The following AHNAK2 variants were observed in gnomAD, a reference collection of about 807,000 sequenced individuals.
AHNAK2 encodes protein AHNAK2.
Under a neutral mutation model 30.7 loss-of-function variants are expected in AHNAK2, and 18 were observed. That is an observed-to-expected ratio of 0.59 (90% CI 0.41 to 0.87). AHNAK2 has a LOEUF of 0.87. AHNAK2 is among the 40% of genes least tolerant of loss of function. AHNAK2 has a pLI of 0.00. For synonymous variants in AHNAK2, 3,590 were observed against 3,073.8 expected (o/e 1.17, Z -5.56); for missense variants, 8,604 against 7,373.0 (o/e 1.17, Z -6.11).
In AHNAK2 at chr14:104,946,202, G is replaced by C; in HGVS notation, c.9249C>G (p.Val3083=). Reference sequence around the variant, plus strand: ...CTTTCAGGTCCAGCTTGGGGCCCTTGACATCTATCTGGGGTCCCTTGCGAT... The same window carrying C: ...CTTTCAGGTCCAGCTTGGGGCCCTTCACATCTATCTGGGGTCCCTTGCGAT... ...KVDRKGPQID[V]KGPKLDLKGP... Residue 3083 remains valine, a synonymous_variant, in exon 7 of 7, where the codon GTC becomes GTG. Coordinates refer to ENST00000333244, the MANE Select transcript of AHNAK2 (RefSeq NM_138420.4). The C allele has an allele frequency of 6.3e-7, 1 of 1,596,058 alleles. No homozygotes were observed. Among genetic ancestry groups the C allele is most frequent in the Non-Finnish European group, 8.5e-7 (1 of 1,171,374 alleles).
intron 1 of AHNAK2, among the ~76,000 whole-genome samples, chr14:104,969,895 CG>C (rs1227069502): frequency 6.6e-6 from 1 of 152,166 alleles, no homozygotes; most frequent in Non-Finnish European, 1.5e-5. Flanking sequence ...AGCTACCCAT[CG>C]CCCCAGGCCC....
rs767659927 is a variant in AHNAK2, at chr14:104,949,792, C to G, written c.5659G>C (p.Val1887Leu). 7 of 1,587,270 alleles carry G rather than the reference C, an allele frequency of 4.4e-6. No homozygotes were observed. The highest frequency in any genetic ancestry group is 6.0e-6 in the Non-Finnish European group (7 of 1,163,152). ...SADLVVQAGQ[V>L]DMKLPEGQVP... ...TGGCCCTCCGGGAGCTTCATGTCCA[C>G]TTGGCCAGCCTGGACCACCAGGTCT... is the stretch of plus-strand genomic sequence containing the variant. The change falls in exon 7 of 7, where the codon GTG becomes CTG. Residue 1887 changes from valine (V) to leucine (L), a missense_variant. Val to Leu is a conservative substitution (Grantham distance 32). Transcript: ENST00000333244.
At position 104,948,897 on chromosome 14, in the gene AHNAK2, G is replaced by A; in HGVS notation, c.6554C>T (p.Ala2185Val). 2 of 1,604,204 alleles carry A rather than the reference G, an allele frequency of 1.2e-6. No individual in the cohort carries two copies. Among genetic ancestry groups the A allele is most frequent in the Non-Finnish European group, 1.7e-6 (2 of 1,175,184 alleles). The change falls in exon 7 of 7, where the codon GCC (alanine) becomes GTC (valine). Residue 2185 changes from alanine (A) to valine (V), a missense_variant. By Grantham distance (64) the Ala-to-Val change is moderately conservative. Coordinates refer to ENST00000333244, the MANE Select transcript of AHNAK2 (RefSeq NM_138420.4). ...CTGCATGGAGGGGAGACTCATGTCG[G>A]CCTCCACCTTGGGTGGAGACACATC... ...SVDVSPPKVE[A>V]DMSLPSMQGD...
rs1469246803 is a variant in AHNAK2 at position 104,946,459 on chromosome 14, C to T, written c.8992G>A (p.Glu2998Lys). 6.2e-7 allele frequency: 1 copy of T among 1,612,830 alleles called. No individual in the cohort carries two copies. The highest frequency in any genetic ancestry group is 1.3e-5 in the African/African-American group (1 of 74,646). The change falls in exon 7 of 7, where the codon GAG becomes AAG. Residue 2998 changes from glutamate (E) to lysine (K), a missense_variant. By Grantham distance (56) the Glu-to-Lys change is moderately conservative. Coordinates refer to ENST00000333244, the MANE Select transcript of AHNAK2 (RefSeq NM_138420.4). The stretch of plus-strand genomic sequence containing the variant: ...GGCGCAGACACATCCACCGAGACCT[C>T]AATGGACTTGCCTGGGGCAGACACC... ...FGVSAPGKSIEVSVDVSAPKV... is the reference protein window; with the variant it reads ...FGVSAPGKSIKVSVDVSAPKV...
chr14:104,955,170 C>T (rs763853890), intron 5 of AHNAK2, 29 bp from the exon 6 acceptor site: 97 of 1,582,012 alleles, frequency 6.1e-5, no homozygotes, highest in Non-Finnish European at 7.7e-5. Flanking sequence ...GCCCCAGGGC[C>T]GGGTGTGTGA....
intron 1 of AHNAK2, among the ~76,000 whole-genome samples, chr14:104,970,787 G>C (rs1566926852): frequency 6.6e-6 from 1 of 152,370 alleles, no homozygotes; most frequent in Non-Finnish European, 1.5e-5. Flanking sequence ...GCCCAGTCTG[G>C]TGAGTGCCTT....
rs367824163 is a variant in AHNAK2 at position 104,953,706 on chromosome 14, A to G, written c.1745T>C (p.Met582Thr). The G allele has an allele frequency of 6.2e-7, 1 of 1,613,758 alleles. No individual in the cohort carries two copies. Among genetic ancestry groups the G allele is most frequent in the Non-Finnish European group, 8.5e-7 (1 of 1,179,874 alleles). ...GREDTEGQIRMPKFKIPSLGW... is the reference protein window; with the variant it reads ...GREDTEGQIRTPKFKIPSLGW... ...TAAGGAGGGTATCTTGAACTTGGGC[A>G]TTCTTATCTGTCCTTCTGTGTCTTC... is the stretch of plus-strand genomic sequence containing the variant. The change falls in exon 7 of 7, where the codon ATG (methionine) becomes ACG (threonine). Residue 582 changes from methionine (M) to threonine (T), a missense_variant. Met to Thr is a moderately conservative substitution (Grantham distance 81). Coordinates refer to ENST00000333244, the MANE Select transcript of AHNAK2 (RefSeq NM_138420.4).
Position 104,940,218 on chromosome 14 carries a change from C to T in AHNAK2, c.15233G>A (p.Ser5078Asn). The change falls in exon 7 of 7, where the codon AGT (serine) becomes AAT (asparagine). Residue 5078 changes from serine to asparagine, a missense_variant. Physicochemically the swap from Ser to Asn is conservative, Grantham distance 46. Transcript: ENST00000333244. The surrounding 1 kb of genome is among the most constrained non-coding windows in gnomAD (Gnocchi z 4.4). Reference sequence around the variant, plus strand: ...GTTCACACCCTCACTTCCTGTGGCACTTGCTGTTGCACCAAGTCCTCCCCT... The same window carrying T: ...GTTCACACCCTCACTTCCTGTGGCATTTGCTGTTGCACCAAGTCCTCCCCT... ...GGRGGLGATA[S>N]ATGSEGVNLH... 1 of 1,613,634 alleles carries T rather than the reference C, an allele frequency of 6.2e-7. No individual in the cohort carries two copies. The highest frequency in any genetic ancestry group is 8.5e-7 in the Non-Finnish European group (1 of 1,179,904).
At chr14:104,958,974 T>C (rs1899057033) in intron 1 of AHNAK2, among the ~76,000 whole-genome samples, 1 of 152,118 alleles carries the variant, frequency 6.6e-6, no homozygotes, top group Non-Finnish European at 1.5e-5. Flanking sequence ...AACAATATAT[T>C]CAAAGGGCTG....
rs1898132060 is a variant in AHNAK2 at position 104,944,125 on chromosome 14, G to C, written c.11326C>G (p.Pro3776Ala). 5 of 1,613,142 alleles carry C rather than the reference G, an allele frequency of 3.1e-6. No individual in the cohort carries two copies. The East Asian group carries it at 1.1e-4, about 36-fold the overall frequency. ...LPSVEVDVQA[P>A]RAKLDSAQLE... ...TGTGCACTATCCAGTTTGGCTCTTG[G>C]GGCCTGGACGTCCACCTCCACGCTG... The change falls in exon 7 of 7, where the codon CCA becomes GCA. Residue 3776 changes from proline (P) to alanine (A), a missense_variant. Physicochemically the swap from Pro to Ala is conservative, Grantham distance 27 (BLOSUM62 -1). Transcript: ENST00000333244.
chr14:104,943,585 G>C lies in AHNAK2; in HGVS notation c.11866C>G (p.Leu3956Val), dbSNP rs745729779. Residue 3956 changes from leucine to valine, a missense_variant, in exon 7 of 7, where the codon CTG (leucine) becomes GTG (valine). Leu to Val is a conservative substitution (Grantham distance 32). Coordinates refer to ENST00000333244, the MANE Select transcript of AHNAK2 (RefSeq NM_138420.4). ...DGARLEGDLS[L>V]ADKDMTAKDS... ...TTGGCCGTCATGTCCTTGTCGGCCAGGGACAGGTCCCCCTCCAGCCGCGCA... is the reference window on the plus strand; with the variant it reads ...TTGGCCGTCATGTCCTTGTCGGCCACGGACAGGTCCCCCTCCAGCCGCGCA... 1.2e-6 allele frequency: 2 copies of C among 1,613,154 alleles called. No homozygotes were observed. The highest frequency in any genetic ancestry group is 2.7e-5 in the African/African-American group (2 of 74,800).
In AHNAK2 at chr14:104,941,055, A is replaced by G. The variant is rs781171190; in HGVS notation, c.14396T>C (p.Val4799Ala). 1 of 1,613,658 alleles carries G rather than the reference A, an allele frequency of 6.2e-7. No homozygotes were observed. The highest frequency in any genetic ancestry group is 8.5e-7 in the Non-Finnish European group (1 of 1,179,892). ...DVTLTKYQVT[V>A]PRAALAPELA... is the part of the protein sequence containing the mutation. ...CTCAGGGGCCAAGGCAGCTCTGGGA[A>G]CAGTCACCTGGTATTTTGTAAGTGT... The change falls in exon 7 of 7, where the codon GTT (valine) becomes GCT (alanine). Residue 4799 changes from valine (V) to alanine (A), a missense_variant. By Grantham distance (64) the Val-to-Ala change is moderately conservative. Transcript: ENST00000333244.
Position 104,954,846 on chromosome 14 carries a change from T to A in AHNAK2, c.652-47A>T, listed in dbSNP as rs1898922091. The A allele has an allele frequency of 1.3e-6, 2 of 1,537,796 alleles. No individual in the cohort carries two copies. Among genetic ancestry groups the A allele is most frequent in the Non-Finnish European group, 1.7e-6 (2 of 1,145,732 alleles). On this transcript the variant is annotated intron_variant, in intron 6 of 6. Coordinates refer to ENST00000333244, the MANE Select transcript of AHNAK2 (RefSeq NM_138420.4). This position sits in a 1 kb window ranked among gnomAD's most constrained non-coding sequence, Gnocchi z 4.3. ...TCTGTTGGTGCCAGTCCAAGAAGCC[T>A]GGGGCCCTGGCCCAGGGACAGATGG...
In AHNAK2 at chr14:104,943,515, C is replaced by T. The variant is rs767562908; in HGVS notation, c.11936G>A (p.Gly3979Glu). 6.2e-7 allele frequency: 1 copy of T among 1,613,178 alleles called. No homozygotes were observed. The highest frequency in any genetic ancestry group is 1.1e-5 in the South Asian group (1 of 91,040). Residue 3979 changes from glycine to glutamate, a missense_variant, in exon 7 of 7, where the codon GGG becomes GAG. Physicochemically the swap from Gly to Glu is moderately conservative, Grantham distance 98 (BLOSUM62 -2). Transcript: ENST00000333244. ...CATGGACTTGCCTGGGGCAGACACC[C>T]CGAACGACGGCATCTTGAACTTGGG... ...KMPKFKMPSF[G>E]VSAPGKSMEA...
chr14:104,940,798 G>T lies in AHNAK2; in HGVS notation c.14653C>A (p.His4885Asn), dbSNP rs369715461. The change falls in exon 7 of 7, where the codon CAT becomes AAT. Residue 4885 changes from histidine (H) to asparagine (N), a missense_variant. Transcript: ENST00000333244. The surrounding 1 kb of genome is among the most constrained non-coding windows in gnomAD (Gnocchi z 4.4). ...PQMAVPEGDL[H>N]AAVGAPVMSP... Reference sequence around the variant, plus strand: ...ATGACTGGGGCACCCACTGCTGCATGTAGGTCTCCCTCAGGAACTGCCATT... The same window carrying T: ...ATGACTGGGGCACCCACTGCTGCATTTAGGTCTCCCTCAGGAACTGCCATT... 1.1e-5 allele frequency: 17 copies of T among 1,612,972 alleles called. No homozygotes were observed. Among genetic ancestry groups the T allele is most frequent in the Non-Finnish European group, 1.4e-5 (16 of 1,179,914 alleles).
Position 104,970,444 on chromosome 14 carries a change from G to A in AHNAK2, c.55+7739C>T, listed in dbSNP as rs986228269. The A allele has an allele frequency of 1.6e-4, 157 of 985,488 alleles. No homozygotes were observed. In the African/African-American group the frequency reaches 2.2e-3, roughly 14 times the overall value. 61.0% of individuals were successfully genotyped at this position (985,488 alleles called of 1,614,324 possible). A position where few individuals can be genotyped will look rare whatever the true frequency, so the allele number is the denominator to read the frequency against. ...AAGCAGGTGTCCGGACATGGACACA[G>A]GAGCCACTTACCAAGGAAGCTACAG... On this transcript the variant is annotated intron_variant, in intron 1 of 6. Transcript: ENST00000333244.
At chr14:104,961,435 ACC>A (rs200578272) in intron 1 of AHNAK2, among the ~76,000 whole-genome samples, 1 of 150,234 alleles carries the variant, frequency 6.7e-6, no homozygotes, top group Non-Finnish European at 1.5e-5. Context: ...AATGGCGTGA[ACC>A]CCGGGGGGCG....
rs748921467 is a variant in AHNAK2 at position 104,938,022 on chromosome 14, T to C, written c.*41A>G. ...GTGTGTGTAGCCTTTACTTTCCAAC[T>C]TAGTTTTTTGCATCTCTCTTGTACT... On this transcript the variant is annotated 3_prime_UTR_variant, in exon 7 of 7. Coordinates refer to ENST00000333244, the MANE Select transcript of AHNAK2 (RefSeq NM_138420.4). 1 of 1,578,260 alleles carries C rather than the reference T, an allele frequency of 6.3e-7. No individual in the cohort carries two copies.
Position 104,949,155 on chromosome 14 carries a change from T to A in AHNAK2, c.6296A>T (p.Asp2099Val), listed in dbSNP as rs1455545340. ...CATTTCCACCTTGGGGTCTTTTAGG[T>A]CCAGTTTGGGGCCCTTGATGTCCAC... ...PQVDIKGPKL[D>V]LKDPKVEMRV... The change falls in exon 7 of 7, where the codon GAC becomes GTC. Residue 2099 changes from aspartate (D) to valine (V), a missense_variant. Physicochemically the swap from Asp to Val is radical, Grantham distance 152. Coordinates refer to ENST00000333244, the MANE Select transcript of AHNAK2 (RefSeq NM_138420.4). 1.9e-6 allele frequency: 2 copies of A among 1,071,474 alleles called. No homozygotes were observed. Among genetic ancestry groups the A allele is most frequent in the African/African-American group, 2.8e-5 (2 of 71,232 alleles). The allele number at this position is 1,071,474 out of a possible 1,614,324, so 66.4% of individuals were successfully genotyped here.
Sources: gnomAD v4.1 joint callset for allele counts (sites outside exome capture counted in the v4.1 genomes callset) on GRCh38, gnomAD v4.1.1 for gene constraint, Gnocchi (gnomAD v3.1) non-coding constraint, MANE v1.5 for transcripts, NCBI Gene and HGNC (gene_info 2026-07-23, HGNC 2026-07-21) for gene names.